The following KANSL1 variants were observed in gnomAD, a reference collection of about 807,000 sequenced individuals.
KANSL1 encodes the protein MLL1/MLL complex subunit KANSL1.
Under a neutral mutation model 103.6 loss-of-function variants are expected in KANSL1, and 22 were observed. The observed-to-expected ratio is 0.21, with a 90% CI of 0.15 to 0.30. The LOEUF (loss-of-function observed/expected upper bound fraction) is 0.30, where lower values mean the gene tolerates loss of function less well. KANSL1 is among the 10% of genes least tolerant of loss of function. The pLI is 1.00. For synonymous variants in KANSL1, 600 were observed against 527.6 expected (o/e 1.14, Z -1.88); for missense variants, 1,337 against 1,399.8 (o/e 0.96, Z 0.72).
At chr17:46,141,397 C>A (rs2044414063) in intron 2 of KANSL1, among the ~76,000 whole-genome samples, 2 of 152,354 alleles carry the variant, frequency 1.3e-5, no homozygotes, top group South Asian at 4.1e-4. Context: ...GAGCCCTTCT[C>A]TTTCCTCAAG....
chr17:46,086,696 G>T (rs1208383693), intron 3 of KANSL1, among the ~76,000 whole-genome samples: 2 of 152,198 alleles, frequency 1.3e-5, no homozygotes, highest in Non-Finnish European at 2.9e-5. Flanking sequence ...GCTCATGCCT[G>T]TAATTCCAGC....
At position 46,038,616 on chromosome 17, in the gene KANSL1, G is replaced by A. The variant is rs765044321; in HGVS notation, c.2463C>T (p.Pro821=). Residue 821 remains proline, a synonymous_variant, in exon 10 of 15, where the codon CCC becomes CCT. Coordinates refer to ENST00000432791, the MANE Select transcript of KANSL1 (RefSeq NM_015443.4). ...LAATHHPPHS[P]LVRQLSTSSD... Reference sequence around the variant, plus strand: ...AGGAGGTGGAGAGCTGTCGCACCAAGGGACTGTGTGGAGGATGGTGGGTGG... The same window carrying A: ...AGGAGGTGGAGAGCTGTCGCACCAAAGGACTGTGTGGAGGATGGTGGGTGG... 13 of 1,614,190 alleles carry A rather than the reference G, an allele frequency of 8.1e-6. No individual in the cohort carries two copies. The South Asian group carries it at 9.9e-5, about 12-fold the overall frequency.
intron 2 of KANSL1, among the ~76,000 whole-genome samples, chr17:46,110,807 G>A (rs1183594872): frequency 1.3e-5 from 2 of 152,128 alleles, no homozygotes; most frequent in Admixed American, 6.5e-5. Context: ...TGGGGTGGGA[G>A]GTGGGGAAAG....
intron 2 of KANSL1, among the ~76,000 whole-genome samples, chr17:46,146,510 A>G (rs1210941794): frequency 6.6e-6 from 1 of 152,218 alleles, no homozygotes; most frequent in African/African-American, 2.4e-5. Flanking sequence ...ATAGGCAGAG[A>G]GTAGCTGAAA....
intron 2 of KANSL1, among the ~76,000 whole-genome samples, chr17:46,162,926 T>C (rs2045819158): frequency 6.6e-6 from 1 of 152,228 alleles, no homozygotes; most frequent in Non-Finnish European, 1.5e-5. Flanking sequence ...GCATGTCTTG[T>C]TTCCTCAATG....
intron 2 of KANSL1, among the ~76,000 whole-genome samples, chr17:46,095,641 A>C (rs2042028261): frequency 6.6e-6 from 1 of 152,246 alleles, no homozygotes; most frequent in Non-Finnish European, 1.5e-5. Flanking sequence ...CAAACTTAAA[A>C]GAATATCTTC....
chr17:46,135,542 A>ATT (rs34258265), intron 2 of KANSL1, among the ~76,000 whole-genome samples: 26 of 119,044 alleles, frequency 2.2e-4, no homozygotes, highest in African/African-American at 4.2e-4. Context: ...TCAACTATAC[A>ATT]TTTTTTTTTT....
At chr17:46,036,740 G>A (rs979853927) in intron 10 of KANSL1, among the ~76,000 whole-genome samples, 3 of 149,092 alleles carry the variant, frequency 2.0e-5, no homozygotes, top group African/African-American at 7.4e-5. Context: ...TTTTTTTTGA[G>A]ACGAAGTCTT....
chr17:46,204,318 A>T (rs1191013833), intron 1 of KANSL1, among the ~76,000 whole-genome samples: 2 of 151,072 alleles, frequency 1.3e-5, no homozygotes, highest in Non-Finnish European at 2.9e-5. Flanking sequence ...AACAAAAATT[A>T]GCTGAGTGTG....
Position 46,067,685 on chromosome 17 carries a change from A to G in KANSL1, c.1534-18T>C. The G allele has an allele frequency of 7.3e-7, 1 of 1,363,378 alleles. No individual in the cohort carries two copies. The allele number at this position is 1,363,378 out of a possible 1,614,324, so 84.5% of individuals were successfully genotyped here. A position where few individuals can be genotyped will look rare whatever the true frequency, so the allele number is the denominator to read the frequency against. ...GACTCAATCTGATTAAGAAAAAGGA[A>G]AAAAGAAATTAACATGTACCCAAGC... On this transcript the variant is annotated intron_variant, in intron 4 of 14. Transcript: ENST00000432791.
chr17:46,173,663 T>G (rs189857915), intron 1 of KANSL1, among the ~76,000 whole-genome samples: 6 of 152,332 alleles, frequency 3.9e-5, no homozygotes, highest in Non-Finnish European at 5.9e-5. Context: ...AAAACAAAGG[T>G]GAACAAAACT....
chr17:46,086,241 TACAAC>T (rs2079158622), intron 3 of KANSL1, among the ~76,000 whole-genome samples: 1 of 152,204 alleles, frequency 6.6e-6, no homozygotes, highest in African/African-American at 2.4e-5. Context: ...AATTTCTAAA[TACAAC>T]CCTCAGATAG....
chr17:46,175,446 T>A (rs1224076972), intron 1 of KANSL1, among the ~76,000 whole-genome samples: 1 of 152,008 alleles, frequency 6.6e-6, no homozygotes, highest in African/African-American at 2.4e-5. Flanking sequence ...GCCTCCTGTG[T>A]TGGAGTGATT....
At chr17:46,116,569 A>G (rs2043057879) in intron 2 of KANSL1, among the ~76,000 whole-genome samples, 1 of 152,182 alleles carries the variant, frequency 6.6e-6, no homozygotes, top group Non-Finnish European at 1.5e-5. Context: ...TTATTAAACT[A>G]TAATAATGTT....
At chr17:46,121,824 A>C (rs2043293451) in intron 2 of KANSL1, among the ~76,000 whole-genome samples, 3 of 152,232 alleles carry the variant, frequency 2.0e-5, no homozygotes, top group Admixed American at 2.0e-4. Context: ...ATTTGAAAAT[A>C]TCATAAGATG....
chr17:46,071,051 A>T (rs1013440469), intron 4 of KANSL1, among the ~76,000 whole-genome samples: 1 of 152,244 alleles, frequency 6.6e-6, no homozygotes, highest in Admixed American at 6.5e-5. Context: ...TACTACTGCT[A>T]TAACAGCCTG....
At chr17:46,111,268 T>A (rs578195548) in intron 2 of KANSL1, among the ~76,000 whole-genome samples, 1 of 152,080 alleles carries the variant, frequency 6.6e-6, no homozygotes, top group Admixed American at 6.6e-5. Flanking sequence ...TGGAGTGCGA[T>A]GGCGTGATCT....
chr17:46,184,478 C>T (rs1182112169), intron 1 of KANSL1, among the ~76,000 whole-genome samples: 1 of 152,250 alleles, frequency 6.6e-6, no homozygotes, highest in East Asian at 1.9e-4. Context: ...AGGGGGTAAA[C>T]CTAAATCTAA....
At chr17:46,211,618 C>T (rs1377790589) in intron 1 of KANSL1, among the ~76,000 whole-genome samples, 1 of 152,150 alleles carries the variant, frequency 6.6e-6, no homozygotes, top group Admixed American at 6.5e-5. Flanking sequence ...GAAAGCAATG[C>T]TGACAAAGAT....
Sources: gnomAD v4.1 joint callset for allele counts (sites outside exome capture counted in the v4.1 genomes callset) on GRCh38, gnomAD v4.1.1 for gene constraint, MANE v1.5 for transcripts, NCBI Gene and HGNC (gene_info 2026-07-23, HGNC 2026-07-21) for gene names.